The following DSCAML1 variants were observed in gnomAD, a reference collection of about 807,000 sequenced individuals.
DSCAML1 encodes the protein cell adhesion molecule DSCAML1.
In DSCAML1, 38 loss-of-function variants were observed where a neutral mutation model predicts 200.5. The ratio of observed to expected loss-of-function variants is 0.19; its 90% CI spans 0.15 to 0.25. The LOEUF (loss-of-function observed/expected upper bound fraction) is 0.25. Among genes scored for constraint, DSCAML1 ranks in the 10% least tolerant of loss-of-function variants. The pLI is 1.00. For synonymous variants in DSCAML1, 1,215 were observed against 1,165.0 expected (o/e 1.04, Z -0.87); for missense variants, 2,223 against 2,858.8 (o/e 0.78, Z 5.07).
intron 3 of DSCAML1, among the ~76,000 whole-genome samples, chr11:117,556,654 G>A (rs909443609): frequency 2.1e-4 from 32 of 152,252 alleles, no homozygotes; most frequent in African/African-American, 7.7e-4. Flanking sequence ...CCTGGAAGTG[G>A]GGACTCGGTC....
rs983355045 is a variant in DSCAML1 at position 117,480,911 on chromosome 11, T to C, written c.2656+263A>G. On this transcript the variant is annotated intron_variant, in intron 13 of 32. Transcript: ENST00000651296. The surrounding 1 kb of genome is among the most constrained non-coding windows in gnomAD (Gnocchi z 4.1). ...AGGGGCCTGGACCCAGGAACCTGACTCCCCCACCCCTCCCCAGAAGGGTCA... is the reference window on the plus strand; with the variant it reads ...AGGGGCCTGGACCCAGGAACCTGACCCCCCCACCCCTCCCCAGAAGGGTCA... Among the ~76,000 whole-genome samples, 20 of 152,252 alleles carry C rather than the reference T, an allele frequency of 1.3e-4. No individual in the cohort carries two copies. The highest frequency in any genetic ancestry group is 2.6e-4 in the Admixed American group (4 of 15,292).
chr11:117,779,419 C>A (rs1469531997), intron 2 of DSCAML1, among the ~76,000 whole-genome samples: 3 of 152,132 alleles, frequency 2.0e-5, no homozygotes, highest in Admixed American at 2.0e-4. Flanking sequence ...GAAACCCTAC[C>A]TCCTTGCCTC....
At chr11:117,557,005 G>T (rs1276956946) in intron 3 of DSCAML1, among the ~76,000 whole-genome samples, 2 of 152,216 alleles carry the variant, frequency 1.3e-5, no homozygotes, top group Non-Finnish European at 2.9e-5. Context: ...GGAGATGGAT[G>T]CAGGGAAGGG....
At chr11:117,495,574 G>C (rs977755895) in intron 11 of DSCAML1, among the ~76,000 whole-genome samples, 5 of 152,144 alleles carry the variant, frequency 3.3e-5, no homozygotes, top group Non-Finnish European at 7.4e-5. Context: ...CGGGGGGCAG[G>C]GGGTGGGAGC....
chr11:117,696,325 A>G (rs2053587014), intron 3 of DSCAML1, among the ~76,000 whole-genome samples: 1 of 152,178 alleles, frequency 6.6e-6, no homozygotes, highest in South Asian at 2.1e-4. Flanking sequence ...GTGGGATGTG[A>G]GCTGGTTTGG....
chr11:117,530,173 G>A (rs756237473), intron 4 of DSCAML1, among the ~76,000 whole-genome samples: 3 of 151,958 alleles, frequency 2.0e-5, no homozygotes, highest in Non-Finnish European at 4.4e-5. Context: ...CCCTTCTCCC[G>A]GAAGCTGGTG....
At chr11:117,776,164 CA>C (rs1252214131) in intron 3 of DSCAML1, among the ~76,000 whole-genome samples, 1 of 152,086 alleles carries the variant, frequency 6.6e-6, no homozygotes, top group African/African-American at 2.4e-5. Flanking sequence ...TAAAAGGAGC[CA>C]ATAATGAGGG....
At chr11:117,537,864 C>T (rs540869454) in intron 3 of DSCAML1, among the ~76,000 whole-genome samples, 1 of 152,216 alleles carries the variant, frequency 6.6e-6, no homozygotes, top group Non-Finnish European at 1.5e-5. Context: ...TAGAGAGACG[C>T]TGGCCCTGCC....
At chr11:117,537,273 G>A (rs2050188454) in intron 3 of DSCAML1, among the ~76,000 whole-genome samples, 1 of 152,216 alleles carries the variant, frequency 6.6e-6, no homozygotes, top group Non-Finnish European at 1.5e-5. Context: ...TCCAGGTCTT[G>A]GTCTGGGCAC....
chr11:117,492,728 C>T (rs1211632297), intron 11 of DSCAML1, among the ~76,000 whole-genome samples: 1 of 152,150 alleles, frequency 6.6e-6, no homozygotes, highest in Non-Finnish European at 1.5e-5. Flanking sequence ...GTCGGCGGGG[C>T]GGGTGGGAGC....
intron 3 of DSCAML1, among the ~76,000 whole-genome samples, chr11:117,710,327 A>C (rs1171982839): frequency 6.6e-6 from 1 of 152,292 alleles, no homozygotes; most frequent in East Asian, 1.9e-4. Flanking sequence ...ATTATTTTAC[A>C]ATACTCTATT....
chr11:117,602,261 C>T (rs897036351), intron 3 of DSCAML1, among the ~76,000 whole-genome samples: 6 of 152,238 alleles, frequency 3.9e-5, no homozygotes, highest in African/African-American at 9.6e-5. Context: ...TGCTCCACGA[C>T]GGGCCCTGGG....
chr11:117,536,853 C>T (rs2050180955), intron 3 of DSCAML1, among the ~76,000 whole-genome samples: 1 of 152,108 alleles, frequency 6.6e-6, no homozygotes, highest in Admixed American at 6.6e-5. Context: ...TTTGCCATCC[C>T]CTTTTCTCTG....
chr11:117,698,459 AC>A (rs1412405182), intron 3 of DSCAML1, among the ~76,000 whole-genome samples: 2 of 152,218 alleles, frequency 1.3e-5, no homozygotes, highest in East Asian at 3.8e-4. Context: ...TAAATATTAA[AC>A]AAAACTTTTT....
chr11:117,488,396 G>A (rs2049118920), intron 11 of DSCAML1, among the ~76,000 whole-genome samples: 1 of 152,222 alleles, frequency 6.6e-6, no homozygotes, highest in South Asian at 2.1e-4. Flanking sequence ...TTGAGTCGCA[G>A]TAATAAACAA....
intron 3 of DSCAML1, among the ~76,000 whole-genome samples, chr11:117,741,415 T>A (rs1338493790): frequency 6.6e-6 from 1 of 152,256 alleles, no homozygotes; most frequent in Admixed American, 6.5e-5. Flanking sequence ...TTAGCCTGGA[T>A]CCCTGGATGA....
intron 3 of DSCAML1, among the ~76,000 whole-genome samples, chr11:117,601,893 A>T (rs1461424002): frequency 6.6e-6 from 1 of 152,208 alleles, no homozygotes; most frequent in Non-Finnish European, 1.5e-5. Flanking sequence ...GGTCTAGGCC[A>T]ACTCAGCTGA....
intron 1 of DSCAML1, among the ~76,000 whole-genome samples, chr11:117,796,828 G>A (rs2055586436): frequency 6.6e-6 from 1 of 152,156 alleles, no homozygotes; most frequent in Non-Finnish European, 1.5e-5. Context: ...AACGGCAGAC[G>A]CGGGTGGCTG....
chr11:117,796,046 C>CG (rs2055567490), intron 1 of DSCAML1, among the ~76,000 whole-genome samples: 1 of 152,238 alleles, frequency 6.6e-6, no homozygotes, highest in African/African-American at 2.4e-5. Context: ...TCTGCGCGCC[C>CG]GGGGGCACGT....
Sources: allele counts gnomAD v4.1 joint callset (sites outside exome capture counted in the v4.1 genomes callset), GRCh38; gene constraint gnomAD v4.1.1; non-coding constraint Gnocchi (gnomAD v3.1); transcripts MANE v1.5; gene names NCBI Gene and HGNC (gene_info 2026-07-23, HGNC 2026-07-21).